The following MIPOL1 variants were observed in gnomAD, a reference collection of about 807,000 sequenced individuals.
MIPOL1 encodes mirror-image polydactyly gene 1 protein.
In MIPOL1, 57 loss-of-function variants were observed where a neutral mutation model predicts 60.9. The ratio of observed to expected loss-of-function variants is 0.94; its 90% CI spans 0.76 to 1.17. The LOEUF (loss-of-function observed/expected upper bound fraction) is 1.17. Ranked by LOEUF, MIPOL1 falls within the 50% of genes most tolerant of loss-of-function variation. MIPOL1 has a pLI of 0.00. For missense variants in MIPOL1, 551 were observed against 511.6 expected (o/e 1.08, Z -0.74); for synonymous variants, 179 against 168.8 (o/e 1.06, Z -0.47).
At chr14:37,381,140 G>T (rs2092912875) in intron 10 of MIPOL1, among the ~76,000 whole-genome samples, 1 of 151,988 alleles carries the variant, frequency 6.6e-6, no homozygotes, top group African/African-American at 2.4e-5. Context: ...GAAAAAAATT[G>T]AATATGTAAG....
chr14:37,396,448 C>T (rs911601919), intron 10 of MIPOL1, among the ~76,000 whole-genome samples: 9 of 151,942 alleles, frequency 5.9e-5, no homozygotes, highest in South Asian at 2.1e-4. Context: ...GATGACAATG[C>T]GCCTAGGTGA....
chr14:37,481,389 G>T (rs148351515), intron 11 of MIPOL1, among the ~76,000 whole-genome samples: 4 of 152,156 alleles, frequency 2.6e-5, no homozygotes, highest in African/African-American at 9.6e-5. Flanking sequence ...ACACAAATAA[G>T]TGGAAGGATA....
At chr14:37,281,943 C>A (rs1374897788) in intron 6 of MIPOL1, among the ~76,000 whole-genome samples, 1 of 151,996 alleles carries the variant, frequency 6.6e-6, no homozygotes, top group East Asian at 1.9e-4. Context: ...AATTCTATAA[C>A]CAGATTTTAT....
intron 7 of MIPOL1, among the ~76,000 whole-genome samples, chr14:37,305,720 G>A (rs2086728642): frequency 6.6e-6 from 1 of 151,682 alleles, no homozygotes; most frequent in Non-Finnish European, 1.5e-5. Context: ...AAAGTTACTT[G>A]CATCTATGCA....
At chr14:37,423,832 T>C (rs1482190840) in intron 11 of MIPOL1, 1 of 152,192 alleles carries the variant, frequency 6.6e-6, no homozygotes, top group East Asian at 1.9e-4. Context: ...TATGTCATGA[T>C]ATATCATGAT....
intron 7 of MIPOL1, among the ~76,000 whole-genome samples, chr14:37,297,718 GA>G (rs1274919600): frequency 6.6e-6 from 1 of 151,910 alleles, no homozygotes. Flanking sequence ...GCTTCAAAGA[GA>G]ATAAAATACC....
intron 3 of MIPOL1, among the ~76,000 whole-genome samples, chr14:37,257,670 G>A (rs192138532): frequency 1.2e-4 from 18 of 152,248 alleles, no homozygotes; most frequent in Non-Finnish European, 2.2e-4. Context: ...TCCTGCAGTT[G>A]TTAGGGGAGC....
At chr14:37,505,051 A>T (rs2095262426) in intron 12 of MIPOL1, 1 of 152,240 alleles carries the variant, frequency 6.6e-6, no homozygotes, top group Non-Finnish European at 1.5e-5. Flanking sequence ...AGACTAACCC[A>T]GGAGGAAGTT....
At chr14:37,536,637 GCT>G (rs2153638713) in intron 12 of MIPOL1, among the ~76,000 whole-genome samples, 1 of 152,090 alleles carries the variant, frequency 6.6e-6, no homozygotes, top group East Asian at 1.9e-4. Flanking sequence ...GTTTTTTCTC[GCT>G]CTCTCTAGAA....
At chr14:37,325,002 T>C (rs1328994281) in intron 9 of MIPOL1, among the ~76,000 whole-genome samples, 1 of 152,142 alleles carries the variant, frequency 6.6e-6, no homozygotes, top group Non-Finnish European at 1.5e-5. Context: ...TAAGGTTGTT[T>C]TGGTTATTCT....
chr14:37,331,960 C>T (rs1214077497), intron 9 of MIPOL1, among the ~76,000 whole-genome samples: 1 of 151,978 alleles, frequency 6.6e-6, no homozygotes, highest in Admixed American at 6.6e-5. Flanking sequence ...ACCAGCCTGG[C>T]CAGGATGTCT....
At chr14:37,257,095 TTG>T (rs61079220) in intron 3 of MIPOL1, among the ~76,000 whole-genome samples, 2,544 of 137,756 alleles carry the variant, frequency 0.018, 26 homozygotes, top group Middle Eastern at 0.037. Flanking sequence ...TGGTTTTGTT[TTG>T]TGTGTGTGTG....
At chr14:37,288,168 G>A (rs1176192369) in intron 7 of MIPOL1, among the ~76,000 whole-genome samples, 1 of 149,904 alleles carries the variant, frequency 6.7e-6, no homozygotes, top group Non-Finnish European at 1.5e-5. Flanking sequence ...GGTTTTTTTT[G>A]GTTGTTGTTT....
rs77273582 is a variant in MIPOL1, at chr14:37,316,641, T to C, written c.828+8122T>C. Among the ~76,000 whole-genome samples the C allele has an allele frequency of 4.6e-3, 696 of 150,252 alleles. 4 individuals are homozygous for C. The highest frequency in any genetic ancestry group is 0.015 in the African/African-American group (617 of 40,880). ...TTTTAATGGGATGTTCTAGCACATG[T>C]GGTTGTTGTATTGATAAAAATGAAC... On this transcript the variant is annotated intron_variant, in intron 9 of 12. Transcript: ENST00000684589.
intron 9 of MIPOL1, among the ~76,000 whole-genome samples, chr14:37,341,860 C>T (rs2090597262): frequency 6.6e-6 from 1 of 152,204 alleles, no homozygotes; most frequent in Non-Finnish European, 1.5e-5. Flanking sequence ...CTGATTTATA[C>T]TGCTTGAATT....
chr14:37,406,441 G>C (rs1595629123), intron 10 of MIPOL1, among the ~76,000 whole-genome samples: 1 of 152,022 alleles, frequency 6.6e-6, no homozygotes, highest in African/African-American at 2.4e-5. Flanking sequence ...TAAATAAAAG[G>C]GCACTGGCAT....
chr14:37,363,876 A>G lies in MIPOL1; in HGVS notation c.829-5641A>G, dbSNP rs553356777. On this transcript the variant is annotated intron_variant, in intron 9 of 12. Coordinates refer to ENST00000684589, the MANE Select transcript of MIPOL1 (RefSeq NM_001388067.1). Reference sequence around the variant, plus strand: ...TCCCCCAGCCAAGCTGCAGCCTCACAGGTCCATCTCAGACTGCTTCACTAG... The same window carrying G: ...TCCCCCAGCCAAGCTGCAGCCTCACGGGTCCATCTCAGACTGCTTCACTAG... 1.6e-4 allele frequency among the ~76,000 whole-genome samples: 25 copies of G among 152,290 alleles called. No homozygotes were observed. The South Asian group carries it at 2.3e-3, about 14-fold the overall frequency.
intron 7 of MIPOL1, among the ~76,000 whole-genome samples, chr14:37,295,384 A>T (rs1195762399): frequency 6.6e-6 from 1 of 152,240 alleles, no homozygotes; most frequent in Non-Finnish European, 1.5e-5. Context: ...GGCTAGGAAG[A>T]AACTGCATCA....
rs75111125 is a variant in MIPOL1, at chr14:37,463,389, C to A, written c.1032-36519C>A. Among the ~76,000 whole-genome samples, 260 of 152,244 alleles carry A rather than the reference C, an allele frequency of 1.7e-3. 1 individual carries two copies. Among genetic ancestry groups the A allele is most frequent in the African/African-American group, 5.9e-3 (245 of 41,558 alleles). On this transcript the variant is annotated intron_variant, in intron 11 of 12. Coordinates refer to ENST00000684589, the MANE Select transcript of MIPOL1 (RefSeq NM_001388067.1). ...GTGGGGACACAGAGCCAAATTATAT[C>A]AGTACAGATAGAAAAATAGACATAT...
Sources: gnomAD v4.1 joint callset for allele counts (sites outside exome capture counted in the v4.1 genomes callset) on GRCh38, gnomAD v4.1.1 for gene constraint, MANE v1.5 for transcripts, NCBI Gene and HGNC (gene_info 2026-07-23, HGNC 2026-07-21) for gene names.